SMARCA2: variants seen among roughly 807,000 people sequenced by gnomAD.
The protein encoded by SMARCA2 is SWI/SNF-related matrix-associated actin-dependent regulator of chromatin subfamily A member 2.
Under a neutral mutation model 199.8 loss-of-function variants are expected in SMARCA2, and 61 were observed. The observed-to-expected ratio is 0.31, with a 90% confidence interval of 0.25 to 0.38. SMARCA2 has a LOEUF of 0.38. SMARCA2 is among the 10% of genes least tolerant of loss of function. SMARCA2 has a pLI of 1.00. For missense variants in SMARCA2, 1,344 were observed against 2,012.2 expected, an observed-to-expected ratio of 0.67 and a Z score of 6.35; for synonymous variants, 935 against 732.0, an observed-to-expected ratio of 1.28 and a Z score of -4.48.
intron 27 of SMARCA2, among the ~76,000 whole-genome samples, chr9:2,129,109 T>C (rs1035242727): frequency 6.6e-6 from 1 of 152,098 alleles, no homozygotes; most frequent in Non-Finnish European, 1.5e-5. Context: ...TTCGGATTGA[T>C]TATGAAGTAT....
chr9:2,034,907 A>G (rs1819254533), intron 3 of SMARCA2, among the ~76,000 whole-genome samples: 1 of 152,216 alleles, frequency 6.6e-6, no homozygotes, highest in Non-Finnish European at 1.5e-5. Flanking sequence ...CAAGAAGAAC[A>G]GATTTGACTC....
chr9:2,165,709 T>G (rs1825899417), intron 28 of SMARCA2, among the ~76,000 whole-genome samples: 1 of 152,248 alleles, frequency 6.6e-6, no homozygotes, highest in Non-Finnish European at 1.5e-5. Flanking sequence ...TCATCCTGTT[T>G]GCATTTGTAC....
At chr9:2,100,190 A>G (rs540948790) in intron 21 of SMARCA2, among the ~76,000 whole-genome samples, 90 of 152,352 alleles carry the variant, frequency 5.9e-4, no homozygotes, top group Non-Finnish European at 1.0e-3. Context: ...CCATTCCCAT[A>G]AAGTCAGAAT....
chr9:2,052,345 G>A (rs1422832544), intron 5 of SMARCA2, among the ~76,000 whole-genome samples: 2 of 152,154 alleles, frequency 1.3e-5, no homozygotes, highest in Admixed American at 6.5e-5. Context: ...GTGGTGGCAC[G>A]TGCCTATAGC....
chr9:2,159,785 TC>T, intron 27 of SMARCA2: 1 of 1,595,778 alleles, frequency 6.3e-7, no homozygotes, highest in Non-Finnish European at 8.5e-7. Context: ...ACACAGCCTT[TC>T]CCCAGCTCTC....
At chr9:2,036,690 T>A (rs980129201) in intron 3 of SMARCA2, among the ~76,000 whole-genome samples, 4 of 152,206 alleles carry the variant, frequency 2.6e-5, no homozygotes, top group African/African-American at 9.6e-5. Flanking sequence ...AAAATTTTGT[T>A]GTATTGACTA....
chr9:2,089,865 G>A (rs1336620512), intron 19 of SMARCA2, among the ~76,000 whole-genome samples: 1 of 152,048 alleles, frequency 6.6e-6, no homozygotes, highest in East Asian at 1.9e-4. Context: ...GATAGAGATG[G>A]AATGTTAAAC....
intron 31 of SMARCA2, among the ~76,000 whole-genome samples, chr9:2,184,496 C>T (rs892616925): frequency 8.6e-5 from 13 of 151,166 alleles, no homozygotes; most frequent in South Asian, 4.2e-4. Context: ...GGGATTAAGG[C>T]ATGCACCACC....
intron 30 of SMARCA2, 25 bp from the exon 31 acceptor site, chr9:2,182,116 C>A: frequency 6.9e-7 from 1 of 1,443,662 alleles, no homozygotes; most frequent in Non-Finnish European, 9.7e-7. Context: ...CTTTTTTTCT[C>A]CATTTTCTCC....
rs771568383 is a variant in SMARCA2 at position 2,070,484 on chromosome 9, C to A, written c.1746+13C>A. The A allele has an allele frequency of 6.2e-7, 1 of 1,604,348 alleles. No homozygotes were observed. Among genetic ancestry groups the A allele is most frequent in the Non-Finnish European group, 8.5e-7 (1 of 1,171,378 alleles). On this transcript the variant is annotated intron_variant, in intron 10 of 33. Coordinates refer to ENST00000349721, the MANE Select transcript of SMARCA2 (RefSeq NM_003070.5). ...ACCGGATGGAGAGGTAAGGGATCGT[C>A]ATCCTTTCCACTGTGTTCTGCTGAA...
chr9:2,147,504 A>G (rs73638395), intron 27 of SMARCA2, among the ~76,000 whole-genome samples: 4,033 of 152,306 alleles, frequency 0.026, 164 homozygotes, highest in African/African-American at 0.092. Context: ...TAAATCACAC[A>G]TAATCTTTCT....
At chr9:2,066,434 T>C (rs1306686244) in intron 9 of SMARCA2, among the ~76,000 whole-genome samples, 1 of 152,236 alleles carries the variant, frequency 6.6e-6, no homozygotes, top group Non-Finnish European at 1.5e-5. Context: ...GCCATGCACA[T>C]ACCTTTGCTT....
chr9:2,070,280 T>C, intron 9 of SMARCA2, 138 bp from the exon 10 acceptor site: 1 of 730,302 alleles, frequency 1.4e-6, no homozygotes, highest in Non-Finnish European at 2.5e-6. Context: ...CAAATGAACA[T>C]AAAAGGCATT....
In SMARCA2 at chr9:2,181,625, ACC is replaced by A; in HGVS notation, c.4309_4310del (p.Pro1437ArgfsTer4). On this transcript the variant is annotated frameshift_variant, in exon 30 of 34. Transcript: ENST00000349721. LOFTEE classifies it high-confidence loss of function. ...TTCAGTTACCTTCAAGGAAAGAATTACCAGAATACTATGAATTAATTAGGAAG... is the reference window on the plus strand; with the variant it reads ...TTCAGTTACCTTCAAGGAAAGAATTAAGAATACTATGAATTAATTAGGAAG... The part of the protein sequence containing the change: ...FIQLPSRKEL[P>X]EYYELIRKPV... 6.2e-7 allele frequency: 1 copy of A among 1,600,560 alleles called. No individual in the cohort carries two copies. Among genetic ancestry groups the A allele is most frequent in the Non-Finnish European group, 8.6e-7 (1 of 1,167,632 alleles).
intron 24 of SMARCA2, among the ~76,000 whole-genome samples, chr9:2,113,464 T>C (rs1265870823): frequency 6.6e-6 from 1 of 152,148 alleles, no homozygotes; most frequent in Non-Finnish European, 1.5e-5. Flanking sequence ...TGTGATGAAG[T>C]TTCAGACCAC....
intron 27 of SMARCA2, among the ~76,000 whole-genome samples, chr9:2,151,123 T>C (rs1227882695): frequency 6.6e-6 from 1 of 151,520 alleles, no homozygotes; most frequent in African/African-American, 2.4e-5. Context: ...ACTATGTACA[T>C]GACACATGTA....
At chr9:2,107,140 T>C (rs192495335) in intron 23 of SMARCA2, among the ~76,000 whole-genome samples, 475 of 152,298 alleles carry the variant, frequency 3.1e-3, no homozygotes, top group African/African-American at 0.011. Context: ...TAAAAAAATA[T>C]TTGTTAAAAA....
intron 1 of SMARCA2, among the ~76,000 whole-genome samples, chr9:2,022,355 C>A (rs60523594): frequency 3.3e-5 from 5 of 152,148 alleles, no homozygotes; most frequent in African/African-American, 1.2e-4. Context: ...AAGTTGTAGT[C>A]AGCTACTGTT....
chr9:2,125,146 G>T (rs1823632850), intron 27 of SMARCA2, among the ~76,000 whole-genome samples: 1 of 152,176 alleles, frequency 6.6e-6, no homozygotes, highest in African/African-American at 2.4e-5. Context: ...TCAGGATGTT[G>T]TATGATGAGA....
Sources: allele counts gnomAD v4.1 joint callset (sites outside exome capture counted in the v4.1 genomes callset), GRCh38; gene constraint gnomAD v4.1.1; transcripts MANE v1.5; gene names NCBI Gene and HGNC (gene_info 2026-07-23, HGNC 2026-07-21).